Variants in DKK2 observed in about 807,000 individuals in gnomAD.
DKK2 encodes the protein dickkopf Wnt signaling pathway inhibitor 2.
Under a neutral mutation model 28.1 loss-of-function variants are expected in DKK2, and 11 were observed. The ratio of observed to expected loss-of-function variants is 0.39; its 90% CI spans 0.25 to 0.65. DKK2 has a LOEUF of 0.65. DKK2 is among the 30% of genes least tolerant of loss of function. The pLI is 0.47. For missense variants in DKK2, 326 were observed against 335.5 expected (o/e 0.97, Z 0.22); for synonymous variants, 135 against 126.5 (o/e 1.07, Z -0.45).
At chr4:106,928,413 G>C (rs554823130) in intron 1 of DKK2, among the ~76,000 whole-genome samples, 1 of 152,074 alleles carries the variant, frequency 6.6e-6, no homozygotes, top group African/African-American at 2.4e-5. Context: ...CTTGTACTTG[G>C]AATGGAATTT....
chr4:106,938,614 G>A (rs1724639094), intron 1 of DKK2, among the ~76,000 whole-genome samples: 2 of 152,074 alleles, frequency 1.3e-5, no homozygotes, highest in Non-Finnish European at 1.5e-5. Flanking sequence ...CTTTTTATGA[G>A]GCCAGCATCA....
intron 1 of DKK2, among the ~76,000 whole-genome samples, chr4:106,980,984 C>A (rs77162344): frequency 0.01 from 1,583 of 152,180 alleles, 52 homozygotes; most frequent in East Asian, 0.066. Flanking sequence ...TCCCTCCACC[C>A]GAAGAAGGCA....
At chr4:106,977,753 C>G (rs573659950) in intron 1 of DKK2, among the ~76,000 whole-genome samples, 48 of 152,318 alleles carry the variant, frequency 3.2e-4, no homozygotes, top group Admixed American at 2.2e-3. Flanking sequence ...TCGTCAAACT[C>G]ATTCTCCGTC....
chr4:106,954,847 G>C (rs1722566338), intron 1 of DKK2, among the ~76,000 whole-genome samples: 1 of 152,126 alleles, frequency 6.6e-6, no homozygotes, highest in African/African-American at 2.4e-5. Context: ...ATGTGACAGA[G>C]AAAAGCAGGT....
intron 1 of DKK2, among the ~76,000 whole-genome samples, chr4:106,948,956 C>T (rs1297017208): frequency 6.6e-6 from 1 of 152,144 alleles, no homozygotes; most frequent in Non-Finnish European, 1.5e-5. Flanking sequence ...ATTGAAGTGC[C>T]TGGGACTTTT....
intron 1 of DKK2, among the ~76,000 whole-genome samples, chr4:106,998,918 G>A (rs1723315990): frequency 6.6e-6 from 1 of 152,172 alleles, no homozygotes; most frequent in Non-Finnish European, 1.5e-5. Context: ...TGAATACTAT[G>A]CGATAATTTG....
At chr4:107,021,590 C>A (rs1435648507) in intron 1 of DKK2, among the ~76,000 whole-genome samples, 1 of 151,374 alleles carries the variant, frequency 6.6e-6, no homozygotes, top group African/African-American at 2.4e-5. Context: ...CTCCACCAAT[C>A]CATGTTGAGG....
At chr4:106,965,206 A>G (rs1420666572) in intron 1 of DKK2, among the ~76,000 whole-genome samples, 2 of 144,644 alleles carry the variant, frequency 1.4e-5, no homozygotes, top group African/African-American at 4.9e-5. Context: ...TAAACACCAC[A>G]TAGGATAGAA....
chr4:106,931,188 A>T (rs1434633275), intron 1 of DKK2, among the ~76,000 whole-genome samples: 1 of 152,094 alleles, frequency 6.6e-6, no homozygotes, highest in East Asian at 1.9e-4. Flanking sequence ...ATCTTTGAGG[A>T]TTCATGAACA....
chr4:106,992,652 T>A (rs1317163969), intron 1 of DKK2, among the ~76,000 whole-genome samples: 1 of 152,206 alleles, frequency 6.6e-6, no homozygotes, highest in East Asian at 1.9e-4. Context: ...GTTAAAGCAA[T>A]AATACAGTAG....
chr4:106,994,514 CACACAT>C (rs1723245848), intron 1 of DKK2, among the ~76,000 whole-genome samples: 1 of 151,928 alleles, frequency 6.6e-6, no homozygotes, highest in South Asian at 2.1e-4. Context: ...CACACACACA[CACACAT>C]AGGACAAGTT....
intron 1 of DKK2, among the ~76,000 whole-genome samples, chr4:106,995,317 A>T (rs1723256335): frequency 6.6e-6 from 1 of 152,138 alleles, no homozygotes; most frequent in Admixed American, 6.5e-5. Flanking sequence ...CTTTCTATAA[A>T]ATTTATAAGT....
intron 1 of DKK2, among the ~76,000 whole-genome samples, chr4:106,972,199 C>T (rs1386772374): frequency 6.6e-6 from 1 of 151,970 alleles, no homozygotes; most frequent in African/African-American, 2.4e-5. Flanking sequence ...CTACCCCCGC[C>T]TCACCACTTC....
intron 1 of DKK2, among the ~76,000 whole-genome samples, chr4:106,974,909 A>G (rs890062680): frequency 4.6e-5 from 7 of 152,218 alleles, no homozygotes; most frequent in Non-Finnish European, 5.9e-5. Context: ...ATTTTGAGAT[A>G]CGTTCCATCA....
intron 1 of DKK2, among the ~76,000 whole-genome samples, chr4:107,014,352 T>C (rs1236092625): frequency 6.6e-6 from 1 of 151,452 alleles, no homozygotes. Context: ...TAGATAAACC[T>C]GAAGGACATT....
intron 1 of DKK2, among the ~76,000 whole-genome samples, chr4:106,999,349 A>G (rs952391778): frequency 5.3e-5 from 8 of 152,228 alleles, no homozygotes; most frequent in African/African-American, 1.9e-4. Context: ...ATATGTAAAT[A>G]TCTTTTTTTC....
chr4:106,994,866 G>A (rs567830452), intron 1 of DKK2, among the ~76,000 whole-genome samples: 15 of 152,266 alleles, frequency 9.9e-5, no homozygotes, highest in East Asian at 7.7e-4. Flanking sequence ...CCAACACATG[G>A]GGCACATGCA....
chr4:106,926,205 AGAATTT>A (rs1318126791), intron 1 of DKK2, among the ~76,000 whole-genome samples: 1 of 152,178 alleles, frequency 6.6e-6, no homozygotes, highest in Non-Finnish European at 1.5e-5. Flanking sequence ...CGCTAGAGTT[AGAATTT>A]AGACTTTTAT....
At chr4:106,949,780 A>C (rs772310536) in intron 1 of DKK2, among the ~76,000 whole-genome samples, 2 of 152,138 alleles carry the variant, frequency 1.3e-5, no homozygotes, top group Middle Eastern at 3.2e-3. Context: ...ATTTTTCATT[A>C]ATCTATTTTT....
Sources: gnomAD v4.1 joint callset for allele counts (sites outside exome capture counted in the v4.1 genomes callset) on GRCh38, gnomAD v4.1.1 for gene constraint, MANE v1.5 for transcripts, NCBI Gene and HGNC (gene_info 2026-07-23, HGNC 2026-07-21) for gene names.